Variants in TASP1 observed in about 807,000 individuals in gnomAD.
The protein encoded by TASP1 is threonine aspartase 1.
TASP1 carries 16 observed loss-of-function variants against 56.6 expected under a neutral mutation model. That is an observed-to-expected ratio of 0.28 (90% CI 0.19 to 0.43). TASP1 has a LOEUF of 0.43. TASP1 is among the 20% of genes least tolerant of loss of function. The pLI is 1.00. For synonymous variants in TASP1, 179 were observed against 184.2 expected, an observed-to-expected ratio of 0.97 and a Z score of 0.23; for missense variants, 393 against 511.6, an observed-to-expected ratio of 0.77 and a Z score of 2.24.
chr20:13,591,194 G>A (rs2047518823), intron 4 of TASP1, among the ~76,000 whole-genome samples: 1 of 151,950 alleles, frequency 6.6e-6, no homozygotes, highest in South Asian at 2.1e-4. Context: ...AAAAATATTA[G>A]CCAAAAATTA....
chr20:13,542,118 C>A (rs2045646432), intron 8 of TASP1, among the ~76,000 whole-genome samples: 1 of 151,070 alleles, frequency 6.6e-6, no homozygotes, highest in Admixed American at 6.6e-5. Flanking sequence ...TAAAATCTGG[C>A]TAGATGTTAT....
At chr20:13,279,525 A>G in the TASP1 span, 37 of 1,095,784 alleles carry the variant, frequency 3.4e-5, no homozygotes, top group Non-Finnish European at 4.8e-5. Flanking sequence ...TTCCTTCACA[A>G]CGGATGCATC....
the TASP1 span, among the ~76,000 whole-genome samples, chr20:13,146,426 T>C: frequency 3.3e-5 from 5 of 151,980 alleles, no homozygotes; most frequent in African/African-American, 1.2e-4. Context: ...AAACCTAAAA[T>C]TAAAATTAAA....
chr20:13,384,873 G>A (rs1362765694), downstream of TASP1, among the ~76,000 whole-genome samples: 1 of 152,190 alleles, frequency 6.6e-6, no homozygotes, highest in African/African-American at 2.4e-5. Context: ...CCTGGGAGGG[G>A]GAGTGGCTTC....
chr20:13,216,128 G>T, the TASP1 span, among the ~76,000 whole-genome samples: 8 of 152,198 alleles, frequency 5.3e-5, no homozygotes, highest in African/African-American at 1.9e-4. Context: ...AAGTGAATGA[G>T]GCAAACAAGC....
At chr20:13,622,554 C>T (rs1471680160) in intron 4 of TASP1, among the ~76,000 whole-genome samples, 5 of 152,110 alleles carry the variant, frequency 3.3e-5, no homozygotes, top group East Asian at 1.9e-4. Context: ...ACAGAAAACA[C>T]GGCTAGGACT....
chr20:13,270,600 C>G, the TASP1 span: 1 of 1,613,926 alleles, frequency 6.2e-7, no homozygotes. Flanking sequence ...GGCTGCACAC[C>G]AACCCTTCCC....
the TASP1 span, among the ~76,000 whole-genome samples, chr20:13,363,941 A>G: frequency 6.6e-6 from 1 of 152,214 alleles, no homozygotes; most frequent in Non-Finnish European, 1.5e-5. Flanking sequence ...AATCCATCAG[A>G]AAACTACTTA....
chr20:13,385,166 G>A (rs917061207), downstream of TASP1, among the ~76,000 whole-genome samples: 2 of 152,320 alleles, frequency 1.3e-5, no homozygotes, highest in African/African-American at 2.4e-5. Context: ...AAATGTGTTC[G>A]TGACACAGGA....
chr20:13,253,505 C>T, the TASP1 span, among the ~76,000 whole-genome samples: 1 of 152,174 alleles, frequency 6.6e-6, no homozygotes, highest in African/African-American at 2.4e-5. Flanking sequence ...AATGATAGCT[C>T]CTTACCGACT....
At chr20:13,293,540 T>A in the TASP1 span, among the ~76,000 whole-genome samples, 1 of 152,070 alleles carries the variant, frequency 6.6e-6, no homozygotes, top group Non-Finnish European at 1.5e-5. Context: ...TGGGAGCTAA[T>A]TTGGTGAACA....
At position 13,537,331 on chromosome 20, in the gene TASP1, TA is replaced by T. The variant is rs765563759; in HGVS notation, c.676-3191del. On this transcript the variant is annotated intron_variant, in intron 8 of 13. Transcript: ENST00000337743. The stretch of plus-strand genomic sequence containing the variant: ...AATATTCCTAAGAGCCTGTAACACC[TA>T]AAAAAAATCAGAATTACTTCATAAA... Among the ~76,000 whole-genome samples, 277 of 152,140 alleles carry T rather than the reference TA, an allele frequency of 1.8e-3. 1 individual carries two copies. Among genetic ancestry groups the T allele is most frequent in the African/African-American group, 6.2e-3 (259 of 41,530 alleles).
the TASP1 span, among the ~76,000 whole-genome samples, chr20:13,137,693 G>C: frequency 6.6e-6 from 1 of 152,140 alleles, no homozygotes; most frequent in Non-Finnish European, 1.5e-5. Flanking sequence ...TAAAAACATA[G>C]ATAAGTAAAC....
chr20:13,559,719 A>G (rs1046959969), intron 7 of TASP1, among the ~76,000 whole-genome samples: 5 of 152,190 alleles, frequency 3.3e-5, no homozygotes, highest in Non-Finnish European at 7.4e-5. Context: ...ATCCCAGGGT[A>G]AAAAAGTGAT....
At chr20:13,204,821 T>A in the TASP1 span, among the ~76,000 whole-genome samples, 2 of 152,164 alleles carry the variant, frequency 1.3e-5, no homozygotes. Context: ...AGTATCTTTA[T>A]CCAGCTAGGG....
At chr20:13,410,863 T>C (rs1463089102) in intron 13 of TASP1, among the ~76,000 whole-genome samples, 4 of 152,182 alleles carry the variant, frequency 2.6e-5, no homozygotes, top group Non-Finnish European at 4.4e-5. Context: ...TGGGATTTTT[T>C]GTCTGTGCTT....
intron 8 of TASP1, among the ~76,000 whole-genome samples, chr20:13,549,440 ATG>A (rs1355375506): frequency 1.3e-5 from 2 of 150,732 alleles, no homozygotes; most frequent in Admixed American, 6.6e-5. Context: ...GTGTGTGTGT[ATG>A]TGTGTGTGTG....
chr20:13,500,265 A>G (rs6074615), intron 10 of TASP1, among the ~76,000 whole-genome samples: 6,864 of 143,980 alleles, frequency 0.048, 239 homozygotes, highest in Non-Finnish European at 0.075. Flanking sequence ...GTATGTGTGT[A>G]TATATATATA....
At chr20:13,631,794 C>T (rs955538690) in intron 1 of TASP1, among the ~76,000 whole-genome samples, 6 of 152,284 alleles carry the variant, frequency 3.9e-5, no homozygotes, top group East Asian at 1.9e-4. Flanking sequence ...TGGCCAGGCG[C>T]GGTGGCTCAC....
Sources: gnomAD v4.1 joint callset for allele counts (sites outside exome capture counted in the v4.1 genomes callset) on GRCh38, gnomAD v4.1.1 for gene constraint, MANE v1.5 for transcripts, NCBI Gene and HGNC (gene_info 2026-07-23, HGNC 2026-07-21) for gene names.